Variants in ARFIP1 observed in about 807,000 individuals in gnomAD.
ARFIP1 encodes arfaptin-1.
A neutral mutation model predicts 42.5 loss-of-function variants in ARFIP1; 24 were observed. The ratio of observed to expected loss-of-function variants is 0.57; its 90% CI spans 0.41 to 0.80. ARFIP1 has a LOEUF of 0.80. ARFIP1 is among the 30% of genes least tolerant of loss of function. ARFIP1 has a pLI of 0.00. For synonymous variants in ARFIP1, 141 were observed against 153.7 expected, an observed-to-expected ratio of 0.92 and a Z score of 0.61; for missense variants, 354 against 434.0, an observed-to-expected ratio of 0.82 and a Z score of 1.64.
intron 2 of ARFIP1, among the ~76,000 whole-genome samples, chr4:152,852,616 A>T (rs916054863): frequency 6.6e-6 from 1 of 151,684 alleles, no homozygotes; most frequent in Non-Finnish European, 1.5e-5. Context: ...CAGGTGACAG[A>T]GCGAGACTCC....
rs62319871 is a variant in ARFIP1, at chr4:152,823,528, C to T, written c.-9-6097C>T. On this transcript the variant is annotated intron_variant, in intron 1 of 8. Transcript: ENST00000353617. ...GGGCACAGTGGTTTATGCCTGTAAT[C>T]CCAGCCCTTTGGGAGGCCAAGGCAG... Among the ~76,000 whole-genome samples, 931 of 152,248 alleles carry T rather than the reference C, an allele frequency of 6.1e-3. 5 individuals are homozygous for T. Among genetic ancestry groups the T allele is most frequent in the Non-Finnish European group, 0.01 (714 of 68,020 alleles).
At chr4:152,905,571 G>GTTTTTTTTTTTTTTTTT (rs1738279420) in intron 8 of ARFIP1, among the ~76,000 whole-genome samples, 1 of 6,714 alleles carries the variant, frequency 1.5e-4, no homozygotes, top group African/African-American at 5.6e-4. Flanking sequence ...TTTTTTTTTT[G>GTTTTTTTTTTTTTTTTT]AGATGGAGTT....
intron 1 of ARFIP1, chr4:152,796,594 G>A: frequency 3.5e-6 from 3 of 861,092 alleles, no homozygotes; most frequent in Non-Finnish European, 5.9e-6. Flanking sequence ...TGCTCCCTGT[G>A]GAATCTTTTC....
At chr4:152,796,014 G>GT (rs1731448018) in intron 1 of ARFIP1, 1 of 624,242 alleles carries the variant, frequency 1.6e-6, no homozygotes, top group South Asian at 1.6e-5. Context: ...AGTAATGGTA[G>GT]TTTTTTCAGT....
At chr4:152,871,088 T>C (rs1578977163) in intron 4 of ARFIP1, among the ~76,000 whole-genome samples, 1 of 152,202 alleles carries the variant, frequency 6.6e-6, no homozygotes, top group Admixed American at 6.5e-5. Flanking sequence ...AATTAAAACA[T>C]TATAAAATTT....
At chr4:152,906,654 G>C (rs1216851401) in intron 8 of ARFIP1, among the ~76,000 whole-genome samples, 2 of 152,118 alleles carry the variant, frequency 1.3e-5, no homozygotes, top group Non-Finnish European at 2.9e-5. Flanking sequence ...ATTAAATTAA[G>C]TGTTGTCATT....
At chr4:152,831,532 A>G (rs1413498730) in intron 2 of ARFIP1, among the ~76,000 whole-genome samples, 2 of 152,228 alleles carry the variant, frequency 1.3e-5, no homozygotes, top group Non-Finnish European at 2.9e-5. Context: ...CCGCTCAGAT[A>G]AAGATGTAGA....
intron 1 of ARFIP1, among the ~76,000 whole-genome samples, chr4:152,786,130 A>G (rs1443492763): frequency 2.6e-5 from 4 of 152,192 alleles, no homozygotes; most frequent in Non-Finnish European, 5.9e-5. Flanking sequence ...GTCAAAGTCT[A>G]AGTCTAACAT....
intron 3 of ARFIP1, among the ~76,000 whole-genome samples, chr4:152,866,598 C>G (rs1317567022): frequency 2.6e-5 from 4 of 151,678 alleles, no homozygotes; most frequent in South Asian, 4.2e-4. Context: ...GGGCTGACCC[C>G]CACCTCTCTC....
intron 2 of ARFIP1, among the ~76,000 whole-genome samples, chr4:152,843,392 G>A (rs1187555281): frequency 2.0e-5 from 3 of 152,164 alleles, no homozygotes; most frequent in Admixed American, 2.0e-4. Flanking sequence ...TGTGCTGATT[G>A]GCCTCCTGCC....
At chr4:152,799,861 G>A (rs1022209852) in intron 1 of ARFIP1, among the ~76,000 whole-genome samples, 6 of 152,094 alleles carry the variant, frequency 3.9e-5, no homozygotes, top group African/African-American at 7.2e-5. Flanking sequence ...TGTGAGTTTT[G>A]TCTTTGTAAT....
intron 8 of ARFIP1, among the ~76,000 whole-genome samples, chr4:152,901,033 T>C (rs1461584714): frequency 1.3e-5 from 2 of 152,128 alleles, no homozygotes; most frequent in Non-Finnish European, 2.9e-5. Flanking sequence ...TGCGATTACT[T>C]TCAGTGGCAA....
At position 152,895,869 on chromosome 4, in the gene ARFIP1, T is replaced by C. The variant is rs7684499; in HGVS notation, c.966+7562T>C. On this transcript the variant is annotated intron_variant, in intron 8 of 8. Transcript: ENST00000353617. ...GAGCTGCCATGCCAGATCTTGTGGATTGCTTTTTATATGCCAGTCACTGAG... is the reference window on the plus strand; with the variant it reads ...GAGCTGCCATGCCAGATCTTGTGGACTGCTTTTTATATGCCAGTCACTGAG... Among the ~76,000 whole-genome samples, 654 of 152,286 alleles carry C rather than the reference T, an allele frequency of 4.3e-3. 4 individuals carry two copies. Among genetic ancestry groups the C allele is most frequent in the African/African-American group, 0.015 (612 of 41,570 alleles).
chr4:152,854,751 T>G (rs1031088835), intron 2 of ARFIP1, among the ~76,000 whole-genome samples: 35 of 152,378 alleles, frequency 2.3e-4, no homozygotes, highest in Admixed American at 1.6e-3. Flanking sequence ...GTGATTTTCC[T>G]CAGTGGATTA....
At chr4:152,895,427 C>A (rs62319952) in intron 8 of ARFIP1, among the ~76,000 whole-genome samples, 1 of 152,028 alleles carries the variant, frequency 6.6e-6, no homozygotes, top group African/African-American at 2.4e-5. Flanking sequence ...CACTGTGTTG[C>A]CCAGGCTGGA....
At chr4:152,801,964 C>G (rs1314243579) in intron 1 of ARFIP1, among the ~76,000 whole-genome samples, 1 of 152,108 alleles carries the variant, frequency 6.6e-6, no homozygotes, top group Non-Finnish European at 1.5e-5. Context: ...AAGTCCATGT[C>G]TCTTAATATG....
chr4:152,825,676 AAGAT>A (rs1453231548), intron 1 of ARFIP1, among the ~76,000 whole-genome samples: 1 of 152,254 alleles, frequency 6.6e-6, no homozygotes, highest in African/African-American at 2.4e-5. Flanking sequence ...AAGAAAAACA[AAGAT>A]AAATAAATGC....
intron 8 of ARFIP1, among the ~76,000 whole-genome samples, chr4:152,901,895 A>T (rs1737868933): frequency 6.6e-6 from 1 of 152,218 alleles, no homozygotes; most frequent in African/African-American, 2.4e-5. Context: ...GTTTTAATAC[A>T]ACTTCAAGGC....
intron 2 of ARFIP1, among the ~76,000 whole-genome samples, chr4:152,858,937 A>C (rs1397434279): frequency 6.6e-6 from 1 of 152,228 alleles, no homozygotes; most frequent in African/African-American, 2.4e-5. Context: ...CCTCATATCC[A>C]AACCAGATGG....
Sources: gnomAD v4.1 joint callset for allele counts (sites outside exome capture counted in the v4.1 genomes callset) on GRCh38, gnomAD v4.1.1 for gene constraint, MANE v1.5 for transcripts, NCBI Gene and HGNC (gene_info 2026-07-23, HGNC 2026-07-21) for gene names.